RBL2: variants seen among roughly 807,000 people sequenced by gnomAD.
The protein encoded by RBL2 is RB transcriptional corepressor like 2.
Under a neutral mutation model 126.0 loss-of-function variants are expected in RBL2, and 56 were observed. That is an observed-to-expected ratio of 0.44 (90% CI 0.36 to 0.56). RBL2 has a LOEUF of 0.56. Among genes scored for constraint, RBL2 ranks in the 20% least tolerant of loss-of-function variants. The pLI is 0.00. For missense variants in RBL2, 1,229 were observed against 1,398.2 expected, an observed-to-expected ratio of 0.88 and a Z score of 1.93; for synonymous variants, 454 against 478.5, an observed-to-expected ratio of 0.95 and a Z score of 0.67.
intron 11 of RBL2, 127 bp downstream of exon 11, chr16:53,462,782 T>TG: frequency 1.7e-6 from 1 of 604,844 alleles, no homozygotes; most frequent in Non-Finnish European, 2.8e-6. Flanking sequence ...TTAATTTTGA[T>TG]GAAATCCAAT....
intron 2 of RBL2, among the ~76,000 whole-genome samples, chr16:53,440,981 A>G (rs1267207115): frequency 4.0e-5 from 3 of 75,830 alleles, no homozygotes; most frequent in Admixed American, 1.8e-4. Context: ...TTTTTTTGAG[A>G]TGGAGTCTCA....
At chr16:53,445,999 G>T (rs1011230631) in intron 3 of RBL2, 4 of 152,184 alleles carry the variant, frequency 2.6e-5, no homozygotes, top group African/African-American at 9.7e-5. Context: ...TGAATTTGAA[G>T]ATACAGATAG....
At chr16:53,470,716 A>C (rs2058314664) in intron 16 of RBL2, 30 bp from the exon 17 acceptor site, 1 of 1,612,474 alleles carries the variant, frequency 6.2e-7, no homozygotes, top group African/African-American at 1.3e-5. Context: ...ACAAGTGTTA[A>C]ACAAAGTTTG....
rs187210530 is a variant in RBL2 at position 53,483,283 on chromosome 16, G to A, written c.3249+1448G>A. On this transcript the variant is annotated intron_variant, in intron 21 of 21. Coordinates refer to ENST00000262133, the MANE Select transcript of RBL2 (RefSeq NM_005611.4). ...TTTAAAAAGTTGAGGAAAACAGTCC[G>A]GGTGCAGTGCCTCACGCCTGTAATC... Among the ~76,000 whole-genome samples the A allele has an allele frequency of 4.3e-4, 65 of 152,250 alleles. No homozygotes were observed. The East Asian group carries it at 6.2e-3, about 14-fold the overall frequency.
intron 11 of RBL2, among the ~76,000 whole-genome samples, chr16:53,463,731 C>T (rs2058246002): frequency 6.6e-6 from 1 of 151,658 alleles, no homozygotes; most frequent in South Asian, 2.1e-4. Context: ...CCACACCTGG[C>T]TAATTTTCTA....
chr16:53,490,174 T>C lies in RBL2; in HGVS notation c.3294T>C (p.Pro1098=). The C allele has an allele frequency of 6.2e-7, 1 of 1,612,236 alleles. No homozygotes were observed. Among genetic ancestry groups the C allele is most frequent in the South Asian group, 1.1e-5 (1 of 90,734 alleles). Residue 1098 remains proline, a synonymous_variant, in exon 22 of 22, where the codon CCT becomes CCC. Transcript: ENST00000262133. Reference sequence around the variant, plus strand: ...GTATGATACGCACAGGAGAAACTCCTACTAAAAAGAGAGGAATTCTTTTGG... The same window carrying C: ...GTATGATACGCACAGGAGAAACTCCCACTAAAAAGAGAGGAATTCTTTTGG... The part of the protein sequence containing the change: ...INSMIRTGET[P]TKKRGILLED...
chr16:53,479,367 T>C, intron 18 of RBL2, 142 bp downstream of exon 18: 2 of 651,530 alleles, frequency 3.1e-6, no homozygotes, highest in Non-Finnish European at 5.2e-6. Context: ...TACTTTAATC[T>C]TTATTCTTGA....
chr16:53,479,753 C>T (rs947345697), intron 18 of RBL2, 133 bp from the exon 19 acceptor site: 4 of 610,046 alleles, frequency 6.6e-6, no homozygotes, highest in Non-Finnish European at 8.6e-6. Context: ...AGTTATGTTT[C>T]TCAACCTGTT....
chr16:53,485,848 C>A, intron 21 of RBL2, among the ~76,000 whole-genome samples: 1 of 145,154 alleles, frequency 6.9e-6, no homozygotes. Context: ...AGAATGAGAC[C>A]ATCTAAAAAA....
chr16:53,465,702 T>C, intron 13 of RBL2, 100 bp downstream of exon 13: 1 of 930,216 alleles, frequency 1.1e-6, no homozygotes, highest in Non-Finnish European at 1.5e-6. Context: ...GTTTAATATG[T>C]TATAATTACA....
intron 14 of RBL2, among the ~76,000 whole-genome samples, chr16:53,469,258 C>T (rs1347848872): frequency 1.3e-5 from 2 of 151,960 alleles, no homozygotes; most frequent in Admixed American, 6.6e-5. Context: ...TAACAATTTG[C>T]CCCAAACCAT....
At chr16:53,442,939 G>A in intron 3 of RBL2, 81 bp downstream of exon 3, 1 of 1,048,146 alleles carries the variant, frequency 9.5e-7, no homozygotes, top group Non-Finnish European at 1.3e-6. Context: ...TTTTTTTTCT[G>A]GTTTTAAAAA....
chr16:53,435,099 G>A (rs915265563), intron 1 of RBL2, among the ~76,000 whole-genome samples: 1 of 152,016 alleles, frequency 6.6e-6, no homozygotes, highest in Non-Finnish European at 1.5e-5. Flanking sequence ...CTGACCCCCC[G>A]CCCGCCTTGT....
chr16:53,460,330 G>GACC (rs1163237062), intron 9 of RBL2, among the ~76,000 whole-genome samples: 2 of 152,194 alleles, frequency 1.3e-5, no homozygotes, highest in Non-Finnish European at 2.9e-5. Flanking sequence ...ATATCAAGAA[G>GACC]ACCCTATATG....
intron 11 of RBL2, among the ~76,000 whole-genome samples, chr16:53,463,828 A>G (rs1243453548): frequency 1.3e-5 from 2 of 151,986 alleles, no homozygotes; most frequent in Non-Finnish European, 2.9e-5. Context: ...TGGCCTCCCA[A>G]AGTGCTGGGA....
intron 21 of RBL2, among the ~76,000 whole-genome samples, chr16:53,485,446 A>G (rs1409135617): frequency 6.6e-6 from 1 of 152,238 alleles, no homozygotes; most frequent in African/African-American, 2.4e-5. Context: ...GTTCCAAAAG[A>G]AAAAAGGTCT....
rs745414994 is a variant in RBL2 at position 53,469,984 on chromosome 16, C to T, written c.2044C>T (p.Leu682=). The T allele has an allele frequency of 6.8e-6, 11 of 1,614,008 alleles. No individual in the cohort carries two copies. The highest frequency in any genetic ancestry group is 9.3e-6 in the Non-Finnish European group (11 of 1,179,972). The change falls in exon 15 of 22, where the codon CTA becomes TTA. Residue 682 remains leucine, a synonymous_variant. Coordinates refer to ENST00000262133, the MANE Select transcript of RBL2 (RefSeq NM_005611.4). ...SPPASTTRRR[L]FVENDSPSDG... Reference sequence around the variant, plus strand: ...ACCAGCCAGCACTACCAGAAGGCGGCTATTTGTTGAGAATGATAGCCCCTC... The same window carrying T: ...ACCAGCCAGCACTACCAGAAGGCGGTTATTTGTTGAGAATGATAGCCCCTC...
At position 53,454,769 on chromosome 16, in the gene RBL2, T is replaced by C. The variant is rs2058150360; in HGVS notation, c.1106T>C (p.Leu369Pro). 2 of 1,614,002 alleles carry C rather than the reference T, an allele frequency of 1.2e-6. No homozygotes were observed. The highest frequency in any genetic ancestry group is 2.7e-5 in the African/African-American group (2 of 74,932). ...EEEIGTLSRC[L>P]NAGSGTETAE... The stretch of plus-strand genomic sequence containing the variant: ...GAAATTGGGACTCTCTCAAGGTGTC[T>C]GAACGCTGGTTCAGGAACAGAGACT... The change falls in exon 8 of 22, where the codon CTG (leucine) becomes CCG (proline). Residue 369 changes from leucine to proline, a missense_variant. Transcript: ENST00000262133.
chr16:53,449,312 A>G (rs925589478), intron 4 of RBL2: 2 of 152,208 alleles, frequency 1.3e-5, no homozygotes, highest in East Asian at 1.9e-4. Flanking sequence ...GTACAATACA[A>G]TAAAAAATAA....
Sources: gnomAD v4.1 joint callset for allele counts (sites outside exome capture counted in the v4.1 genomes callset) on GRCh38, gnomAD v4.1.1 for gene constraint, MANE v1.5 for transcripts, NCBI Gene and HGNC (gene_info 2026-07-23, HGNC 2026-07-21) for gene names.